Variants in PXDNL observed in about 807,000 individuals in gnomAD.
PXDNL encodes probable oxidoreductase PXDNL.
Under a neutral mutation model 150.8 loss-of-function variants are expected in PXDNL, and 145 were observed. The observed-to-expected ratio is 0.96, with a 90% CI of 0.84 to 1.10. The LOEUF (loss-of-function observed/expected upper bound fraction) is 1.10. PXDNL is among the 50% of genes least tolerant of loss of function. PXDNL has a pLI of 0.00. For synonymous variants in PXDNL, 757 were observed against 725.7 expected (o/e 1.04, Z -0.69); for missense variants, 2,087 against 1,873.9 (o/e 1.11, Z -2.10).
chr8:51,483,665 T>C lies in PXDNL; in HGVS notation c.502A>G (p.Asn168Asp). 6.6e-7 allele frequency: 1 copy of C among 1,524,500 alleles called. No homozygotes were observed. Among genetic ancestry groups the C allele is most frequent in the Non-Finnish European group, 8.9e-7 (1 of 1,125,572 alleles). The allele number at this position is 1,524,500 out of a possible 1,614,324, so 94.4% of individuals were successfully genotyped here. The part of the protein sequence containing the change: ...LSKIPAGSFS[N>D]LDSLKRLRLD... ...TACAATCTTTTTAATGAATCCAGAT[T>C]AGAAAAGCTCCCAGCTGGAATTTTA... Residue 168 changes from asparagine to aspartate, a missense_variant, in exon 6 of 23, where the codon AAT (asparagine) becomes GAT (aspartate). Asn to Asp is a conservative substitution (Grantham distance 23, BLOSUM62 1). Coordinates refer to ENST00000356297, the MANE Select transcript of PXDNL (RefSeq NM_144651.5).
At chr8:51,423,885 A>G (rs1439262586) in intron 13 of PXDNL, among the ~76,000 whole-genome samples, 154 bp from the exon 14 acceptor site, 3 of 152,152 alleles carry the variant, frequency 2.0e-5, no homozygotes, top group Admixed American at 6.5e-5. Context: ...TCTAGTGGAG[A>G]GAAGGAAGAG....
At chr8:51,474,874 C>T (rs1310646273) in intron 7 of PXDNL, 98 bp downstream of exon 7, 3 of 1,012,262 alleles carry the variant, frequency 3.0e-6, no homozygotes, top group East Asian at 2.7e-5. Flanking sequence ...TTTCTGATAA[C>T]ACGTTCTTCT....
intron 20 of PXDNL, among the ~76,000 whole-genome samples, chr8:51,340,475 G>A (rs1046868881): frequency 2.0e-5 from 3 of 152,078 alleles, no homozygotes; most frequent in Admixed American, 6.5e-5. Flanking sequence ...GTGCTCTTAC[G>A]TTTTTCCAAA....
At chr8:51,435,667 C>A in intron 12 of PXDNL, 1 of 222,072 alleles carries the variant, frequency 4.5e-6, no homozygotes, top group Non-Finnish European at 9.7e-6. Flanking sequence ...CAGAAAGAAG[C>A]GAAAAAGAGG....
At chr8:51,500,554 C>T (rs936016433) in intron 4 of PXDNL, among the ~76,000 whole-genome samples, 2 of 152,216 alleles carry the variant, frequency 1.3e-5, no homozygotes, top group Admixed American at 6.5e-5. Flanking sequence ...GAAGGCTGCA[C>T]ACTCCTCTTA....
chr8:51,392,802 A>T (rs1461760861), intron 17 of PXDNL, among the ~76,000 whole-genome samples: 1 of 152,230 alleles, frequency 6.6e-6, no homozygotes, highest in African/African-American at 2.4e-5. Flanking sequence ...GAGAGAGGGC[A>T]TACCTGTCTT....
chr8:51,735,445 G>A (rs562824106), intron 1 of PXDNL, among the ~76,000 whole-genome samples: 10 of 151,402 alleles, frequency 6.6e-5, no homozygotes, highest in African/African-American at 1.7e-4. Context: ...AGATCCTGCC[G>A]CTGCACCCCA....
At chr8:51,807,413 C>T (rs2037689771) in intron 1 of PXDNL, among the ~76,000 whole-genome samples, 1 of 152,134 alleles carries the variant, frequency 6.6e-6, no homozygotes, top group Non-Finnish European at 1.5e-5. Flanking sequence ...AGAATCCGCC[C>T]CCACTATCCA....
At chr8:51,802,394 G>T (rs1478846443) in intron 1 of PXDNL, among the ~76,000 whole-genome samples, 1 of 152,116 alleles carries the variant, frequency 6.6e-6, no homozygotes, top group African/African-American at 2.4e-5. Context: ...CAATCTGCAG[G>T]TCACATGTGG....
intron 4 of PXDNL, among the ~76,000 whole-genome samples, chr8:51,511,376 G>A (rs1342826052): frequency 6.6e-6 from 1 of 152,142 alleles, no homozygotes; most frequent in Non-Finnish European, 1.5e-5. Context: ...CTTCCCTCCA[G>A]AGTTAATACA....
chr8:51,522,520 G>T (rs1158356104), intron 4 of PXDNL, among the ~76,000 whole-genome samples: 1 of 152,158 alleles, frequency 6.6e-6, no homozygotes, highest in South Asian at 2.1e-4. Context: ...AATATAATAT[G>T]TCCATTTTCT....
At chr8:51,402,355 A>C (rs1025398071) in intron 17 of PXDNL, among the ~76,000 whole-genome samples, 1 of 151,938 alleles carries the variant, frequency 6.6e-6, no homozygotes, top group Non-Finnish European at 1.5e-5. Context: ...GTGAGACCCA[A>C]TCTCTACCAA....
At chr8:51,693,973 C>T (rs2130866948) in intron 1 of PXDNL, among the ~76,000 whole-genome samples, 1 of 152,216 alleles carries the variant, frequency 6.6e-6, no homozygotes, top group African/African-American at 2.4e-5. Flanking sequence ...TCAAAGTCAC[C>T]AAATCACACT....
intron 1 of PXDNL, among the ~76,000 whole-genome samples, chr8:51,704,181 G>A (rs1207995815): frequency 6.6e-6 from 1 of 152,124 alleles, no homozygotes; most frequent in Non-Finnish European, 1.5e-5. Flanking sequence ...ATATAAATGT[G>A]TACCCACAGA....
At chr8:51,527,950 G>A (rs1423007903) in intron 4 of PXDNL, among the ~76,000 whole-genome samples, 1 of 152,188 alleles carries the variant, frequency 6.6e-6, no homozygotes, top group Non-Finnish European at 1.5e-5. Flanking sequence ...GGCTGTTTGT[G>A]CTTGGCCAAG....
chr8:51,403,596 GC>G (rs1231431723), intron 17 of PXDNL, among the ~76,000 whole-genome samples: 3 of 152,154 alleles, frequency 2.0e-5, no homozygotes, highest in Non-Finnish European at 2.9e-5. Flanking sequence ...TATCACACGG[GC>G]CCTGGTGCCA....
At chr8:51,567,384 A>C (rs1224671916) in intron 3 of PXDNL, among the ~76,000 whole-genome samples, 4 of 151,834 alleles carry the variant, frequency 2.6e-5, no homozygotes, top group African/African-American at 9.7e-5. Flanking sequence ...GCCTTCAACT[A>C]TCATAGTCGA....
At chr8:51,780,696 G>A (rs1336061204) in intron 1 of PXDNL, among the ~76,000 whole-genome samples, 1 of 91,794 alleles carries the variant, frequency 1.1e-5, no homozygotes, top group African/African-American at 4.5e-5. Flanking sequence ...TTTCACTCTT[G>A]TCACCCAGGC....
chr8:51,760,639 G>A lies in PXDNL; in HGVS notation c.164+48542C>T, dbSNP rs183034441. ...GTTTTTAAAATAATATGAACTGGTGGCATTTTAAAACTTTAGCATTTAACA... is the reference window on the plus strand; with the variant it reads ...GTTTTTAAAATAATATGAACTGGTGACATTTTAAAACTTTAGCATTTAACA... On this transcript the variant is annotated intron_variant, in intron 1 of 22. Coordinates refer to ENST00000356297, the MANE Select transcript of PXDNL (RefSeq NM_144651.5). 1.9e-3 allele frequency among the ~76,000 whole-genome samples: 284 copies of A among 152,204 alleles called. 1 individual carries two copies. The highest frequency in any genetic ancestry group is 3.1e-3 in the Non-Finnish European group (213 of 68,000).
Sources: gnomAD v4.1 joint callset for allele counts (sites outside exome capture counted in the v4.1 genomes callset) on GRCh38, gnomAD v4.1.1 for gene constraint, MANE v1.5 for transcripts, NCBI Gene and HGNC (gene_info 2026-07-23, HGNC 2026-07-21) for gene names.